The following SPACA7 variants were observed in gnomAD, a reference collection of about 807,000 sequenced individuals.
SPACA7 encodes sperm acrosome-associated protein 7.
Under a neutral mutation model 26.3 loss-of-function variants are expected in SPACA7, and 19 were observed. The observed-to-expected ratio is 0.72, with a 90% CI of 0.50 to 1.06. The LOEUF (loss-of-function observed/expected upper bound fraction) is 1.06. SPACA7 is among the 50% of genes least tolerant of loss of function. The probability of loss-of-function intolerance (pLI) is 0.00; values close to 1 mark genes in which losing one functional copy is unlikely to be tolerated. For missense variants in SPACA7, 211 were observed against 229.9 expected (o/e 0.92, Z 0.53); for synonymous variants, 84 against 84.5 (o/e 0.99, Z 0.04).
chr13:112,401,091 C>A lies in SPACA7; in HGVS notation c.372C>A (p.Leu124=). The change falls in exon 5 of 7, where the codon CTC becomes CTA. Residue 124 remains leucine, a synonymous_variant. Transcript: ENST00000283550. The part of the protein sequence containing the change: ...SNDEANANAN[L]HGDPSENYRG... ...AAGAAGCCAATGCTAATGCAAATCT[C>A]CATGGCGATCCTTCTGAGAATTATC... 1 of 1,614,130 alleles carries A rather than the reference C, an allele frequency of 6.2e-7. No individual in the cohort carries two copies. Among genetic ancestry groups the A allele is most frequent in the Non-Finnish European group, 8.5e-7 (1 of 1,179,988 alleles).
chr13:112,390,542 A>G (rs1884819706), intron 1 of SPACA7, among the ~76,000 whole-genome samples: 1 of 152,160 alleles, frequency 6.6e-6, no homozygotes, highest in South Asian at 2.1e-4. Flanking sequence ...TGGGTAATTT[A>G]TGAAGAAAAG....
chr13:112,377,586 G>A (rs1883775574), intron 1 of SPACA7, among the ~76,000 whole-genome samples: 1 of 152,152 alleles, frequency 6.6e-6, no homozygotes, highest in African/African-American at 2.4e-5. Flanking sequence ...GGGTGACCAG[G>A]CCAAGACTAG....
At chr13:112,392,867 A>G (rs1375674149) in intron 1 of SPACA7, among the ~76,000 whole-genome samples, 154 bp from the exon 2 acceptor site, 6 of 152,174 alleles carry the variant, frequency 3.9e-5, no homozygotes, top group Admixed American at 6.5e-5. Context: ...TCCTGGGGCC[A>G]TCTCTCATCA....
chr13:112,409,917 G>T (rs9603893), intron 5 of SPACA7, among the ~76,000 whole-genome samples: 4 of 152,022 alleles, frequency 2.6e-5, no homozygotes, highest in African/African-American at 9.7e-5. Flanking sequence ...GCATGCACAC[G>T]TATGTTTATT....
chr13:112,407,766 C>A (rs1264265527), intron 5 of SPACA7, among the ~76,000 whole-genome samples: 1 of 152,172 alleles, frequency 6.6e-6, no homozygotes, highest in Middle Eastern at 3.2e-3. Context: ...CAGACGGATT[C>A]ACAGCCGAAT....
intron 5 of SPACA7, among the ~76,000 whole-genome samples, chr13:112,401,869 C>T (rs1885666644): frequency 6.6e-6 from 1 of 152,298 alleles, no homozygotes; most frequent in Admixed American, 6.5e-5. Context: ...ATTTGCAAAG[C>T]CACACGTATT....
At position 112,396,096 on chromosome 13, in the gene SPACA7, A is replaced by G. The variant is rs1373070311; in HGVS notation, c.152-1953A>G. On this transcript the variant is annotated intron_variant, in intron 2 of 6. Transcript: ENST00000283550. ...CCTCCTCACAGCTGGGCCACCATCC[A>G]CCCGCCTCAGGGAATCCCAGGGTGT... Among the ~76,000 whole-genome samples the G allele has an allele frequency of 2.2e-4, 30 of 135,052 alleles. 5 individuals are homozygous for G. The highest frequency in any genetic ancestry group is 6.6e-4 in the African/African-American group (26 of 39,374). 88.6% of individuals were successfully genotyped at this position (135,052 alleles called of 152,430 possible).
intron 4 of SPACA7, 123 bp downstream of exon 4, chr13:112,399,296 C>A (rs1410056793): frequency 1.4e-6 from 1 of 691,546 alleles, no homozygotes; most frequent in Non-Finnish European, 2.6e-6. Flanking sequence ...GAGAATGTGC[C>A]CACTTCCCCT....
chr13:112,391,535 A>C (rs954357394), intron 1 of SPACA7, among the ~76,000 whole-genome samples: 7 of 152,324 alleles, frequency 4.6e-5, no homozygotes, highest in African/African-American at 1.7e-4. Context: ...CACGATGTAA[A>C]TATCGAGAAA....
rs192492400 is a variant in SPACA7, at chr13:112,432,525, G to A, written c.523+4G>A. 518 of 1,588,446 alleles carry A rather than the reference G, an allele frequency of 3.3e-4. 2 individuals are homozygous for A. Among genetic ancestry groups the A allele is most frequent in the Non-Finnish European group, 6.1e-5 (70 of 1,156,634 alleles). On this transcript the variant is annotated splice_donor_region_variant and intron_variant, in intron 6 of 6. Coordinates refer to ENST00000283550, the MANE Select transcript of SPACA7 (RefSeq NM_145248.5). ...CAAAATATTGGAAGATCTTCAGGTA[G>A]ATTGGAAATAATAGATAAGTGTCTT...
chr13:112,421,225 C>CAAAAAAAAAAAAAAAAAAAAAAAACAAAA (rs59236283), intron 5 of SPACA7, among the ~76,000 whole-genome samples: 1 of 86,824 alleles, frequency 1.2e-5, no homozygotes, highest in Non-Finnish European at 2.7e-5. Context: ...AAGAAACATG[C>CAAAAAAAAAAAAAAAAAAAAAAAACAAAA]AAAAAAAAAA....
At chr13:112,411,114 A>G (rs895930198) in intron 5 of SPACA7, among the ~76,000 whole-genome samples, 1 of 122,334 alleles carries the variant, frequency 8.2e-6, no homozygotes, top group Admixed American at 9.4e-5. Context: ...AATTATGTAG[A>G]TTGTGTTACA....
intron 1 of SPACA7, among the ~76,000 whole-genome samples, chr13:112,385,920 T>C (rs767459153): frequency 6.6e-6 from 1 of 152,198 alleles, no homozygotes; most frequent in African/African-American, 2.4e-5. Context: ...AGTTTTTTAA[T>C]TGGATGACTG....
At chr13:112,416,552 G>T (rs913925860) in intron 5 of SPACA7, among the ~76,000 whole-genome samples, 2 of 152,158 alleles carry the variant, frequency 1.3e-5, no homozygotes, top group African/African-American at 4.8e-5. Context: ...CTCTCAAAGT[G>T]CTGGGATTAC....
chr13:112,434,377 A>G (rs556804329), intron 6 of SPACA7, 108 bp from the exon 7 acceptor site: 2 of 913,570 alleles, frequency 2.2e-6, no homozygotes, highest in South Asian at 1.5e-5. Context: ...TCCCTCCACA[A>G]CTGAGGGCTT....
At chr13:112,399,852 T>C (rs1363832560) in intron 4 of SPACA7, among the ~76,000 whole-genome samples, 1 of 152,110 alleles carries the variant, frequency 6.6e-6, no homozygotes. Flanking sequence ...TCAGGAAACT[T>C]ACAATCATGG....
chr13:112,399,754 A>C (rs1334556890), intron 4 of SPACA7, among the ~76,000 whole-genome samples: 1 of 152,188 alleles, frequency 6.6e-6, no homozygotes, highest in Non-Finnish European at 1.5e-5. Context: ...GCTACAACGA[A>C]CTACCTGAGG....
intron 1 of SPACA7, chr13:112,382,536 A>G (rs2138863069): frequency 6.5e-7 from 1 of 1,547,964 alleles, no homozygotes; most frequent in East Asian, 2.4e-5. Context: ...TTTTGCAACT[A>G]TCTGGGCGAC....
At chr13:112,431,437 C>T (rs1877127729) in intron 5 of SPACA7, among the ~76,000 whole-genome samples, 1 of 152,150 alleles carries the variant, frequency 6.6e-6, no homozygotes, top group African/African-American at 2.4e-5. Context: ...GACTTTGGGA[C>T]CTGGTAAAAT....
Sources: gnomAD v4.1 joint callset for allele counts (sites outside exome capture counted in the v4.1 genomes callset) on GRCh38, gnomAD v4.1.1 for gene constraint, MANE v1.5 for transcripts, NCBI Gene and HGNC (gene_info 2026-07-23, HGNC 2026-07-21) for gene names.